NEB: variants seen among roughly 807,000 people sequenced by gnomAD.
NEB encodes the protein nebulin, also known as nemaline myopathy type 2.
Under a neutral mutation model 952.2 loss-of-function variants are expected in NEB, and 512 were observed. That is an observed-to-expected ratio of 0.54 (90% CI 0.50 to 0.58). The LOEUF is 0.58. Ranked by LOEUF, NEB falls within the 20% of genes least tolerant of loss-of-function variation. NEB has a pLI of 0.00. For missense variants in NEB, 8,428 were observed against 9,231.1 expected (o/e 0.91, Z 3.56); for synonymous variants, 2,900 against 3,149.8 (o/e 0.92, Z 2.66).
At chr2:151,684,708 A>G (rs1258608609) in intron 28 of NEB, 70 bp downstream of exon 28, 1 of 1,380,182 alleles carries the variant, frequency 7.2e-7, no homozygotes, top group East Asian at 2.5e-5. Flanking sequence ...CAAAAACCTC[A>G]CTCAACTTCA....
rs960768592 is a variant in NEB, at chr2:151,555,321, C to T, written c.19315-277G>A. Among the ~76,000 whole-genome samples the T allele has an allele frequency of 6.6e-5, 10 of 152,116 alleles. No homozygotes were observed. In the South Asian group the frequency reaches 2.1e-3, roughly 32 times the overall value. On this transcript the variant is annotated intron_variant, in intron 124 of 181. Coordinates refer to ENST00000397345, the MANE Select transcript of NEB (RefSeq NM_001164508.2). ...GTTGCTGTTTTCAAAATTCCTATAGCAATACTAGTACTTTTACTGCTACTA... is the reference window on the plus strand; with the variant it reads ...GTTGCTGTTTTCAAAATTCCTATAGTAATACTAGTACTTTTACTGCTACTA...
intron 48 of NEB, among the ~76,000 whole-genome samples, chr2:151,657,101 G>A (rs1412115985): frequency 6.6e-6 from 1 of 152,092 alleles, no homozygotes; most frequent in African/African-American, 2.4e-5. Context: ...TTCTTTTTCT[G>A]CCTGTCTCCT....
rs1415849520 is a variant in NEB at position 151,502,736 on chromosome 2, GTTA to G, written c.23928+54_23928+56del. The G allele has an allele frequency of 8.6e-6, 8 of 924,882 alleles. 1 individual carries two copies. The highest frequency in any genetic ancestry group is 5.2e-5 in the East Asian group (2 of 38,114). The allele number at this position is 924,882 out of a possible 1,614,324, so 57.3% of individuals were successfully genotyped here. A position where few individuals can be genotyped will look rare whatever the true frequency, so the allele number is the denominator to read the frequency against. ...TTTAGTAATTTTACATTTGTAAGGTGTTATTATTTTAAATAAAATTAAGGGATT... is the reference window on the plus strand; with the variant it reads ...TTTAGTAATTTTACATTTGTAAGGTGTTATTTTAAATAAAATTAAGGGATT... On this transcript the variant is annotated intron_variant, in intron 167 of 181. Transcript: ENST00000397345.
rs753691207 is a variant in NEB at position 151,680,785 on chromosome 2, A to G, written c.2987T>C (p.Ile996Thr). ...QHPDTLKFTS[I>T]EDAPITVQSK... is the part of the protein sequence containing the mutation. Reference sequence around the variant, plus strand: ...CTGTACTGTAATTGGAGCATCTTCAATCGAGGTAAACTTGAGGGTGTCTGG... The same window carrying G: ...CTGTACTGTAATTGGAGCATCTTCAGTCGAGGTAAACTTGAGGGTGTCTGG... Residue 996 changes from isoleucine to threonine, a missense_variant, in exon 30 of 182, where the codon ATT becomes ACT. Physicochemically the swap from Ile to Thr is moderately conservative, Grantham distance 89. Transcript: ENST00000397345. 1.2e-5 allele frequency: 19 copies of G among 1,613,504 alleles called. No homozygotes were observed. The highest frequency in any genetic ancestry group is 2.2e-5 in the South Asian group (2 of 91,084).
chr2:151,696,619 GTAGT>G lies in NEB; in HGVS notation c.1569+14_1569+17del, dbSNP rs1396349423. The G allele has an allele frequency of 6.3e-7, 1 of 1,578,392 alleles. No individual in the cohort carries two copies. Among genetic ancestry groups the G allele is most frequent in the South Asian group, 1.1e-5 (1 of 90,230 alleles). The stretch of plus-strand genomic sequence containing the variant: ...TATCCCTCATAATTGGGTGTCCTGA[GTAGT>G]TAGAGGAACTTACGTCACTCAGTTG... On this transcript the variant is annotated intron_variant, in intron 17 of 181. Coordinates refer to ENST00000397345, the MANE Select transcript of NEB (RefSeq NM_001164508.2).
At chr2:151,616,714 A>G (rs374230433) in intron 75 of NEB, among the ~76,000 whole-genome samples, 1 of 152,196 alleles carries the variant, frequency 6.6e-6, no homozygotes, top group Non-Finnish European at 1.5e-5. Flanking sequence ...AAACAAAACA[A>G]AACAGTATTT....
intron 145 of NEB, 186 bp downstream of exon 145, chr2:151,530,808 G>C (rs2090291750): frequency 1.9e-6 from 1 of 515,830 alleles, no homozygotes; most frequent in African/African-American, 1.9e-5. Context: ...GCAACATGGG[G>C]AGCAGGACTG....
intron 81 of NEB, 67 bp downstream of exon 81, chr2:151,609,742 C>A: frequency 2.7e-6 from 4 of 1,461,910 alleles, no homozygotes; most frequent in Non-Finnish European, 3.7e-6. Flanking sequence ...TCCTCAGAGG[C>A]ACTGACTGGG....
intron 153 of NEB, among the ~76,000 whole-genome samples, chr2:151,522,194 T>C (rs1057389445): frequency 6.6e-6 from 1 of 152,192 alleles, no homozygotes; most frequent in Non-Finnish European, 1.5e-5. Context: ...AAGTTTAAGA[T>C]CTAATTTTTT....
intron 64 of NEB, among the ~76,000 whole-genome samples, chr2:151,634,436 G>A (rs1384330186): frequency 6.6e-6 from 1 of 152,128 alleles, no homozygotes; most frequent in African/African-American, 2.4e-5. Context: ...GAGGTCAGGA[G>A]ATCAAGACCA....
In NEB at chr2:151,671,192, C is replaced by T. The variant is rs541803470; in HGVS notation, c.4337G>A (p.Gly1446Asp). Residue 1446 changes from glycine (G) to aspartate (D), a missense_variant, in exon 38 of 182, where the codon GGC becomes GAC. By Grantham distance (94) the Gly-to-Asp change is moderately conservative. Coordinates refer to ENST00000397345, the MANE Select transcript of NEB (RefSeq NM_001164508.2). ...GGAACCAATAGGGATCCATCCGATG[C>T]CCTTCAAGAAGCTGTTATACTCGTC... ...YKDEYNSFLK[G>D]IGWIPIGSLE... The T allele has an allele frequency of 5.0e-6, 8 of 1,613,900 alleles. No individual in the cohort carries two copies. The South Asian group carries it at 6.6e-5, about 13-fold the overall frequency.
chr2:151,662,297 T>G lies in NEB; in HGVS notation c.5808A>C (p.Gly1936=). 6.2e-7 allele frequency: 1 copy of G among 1,613,648 alleles called. No homozygotes were observed. The highest frequency in any genetic ancestry group is 1.1e-5 in the South Asian group (1 of 91,050). The part of the protein sequence containing the change: ...ADYADFMKGI[G]WLPLGSLEAE... ...CTTCCAGGGAGCCCAGAGGGAGCCATCCAATGCCCTTCATGAAGTCAGCAT... is the reference window on the plus strand; with the variant it reads ...CTTCCAGGGAGCCCAGAGGGAGCCAGCCAATGCCCTTCATGAAGTCAGCAT... Residue 1936 remains glycine (G), a synonymous_variant, in exon 46 of 182, where the codon GGA becomes GGC. Transcript: ENST00000397345.
chr2:151,493,862 T>TAAC lies in NEB; in HGVS notation c.24582_24584dup (p.Leu8195dup), dbSNP rs759535570. On this transcript the variant is annotated inframe_insertion, in exon 175 of 182. Transcript: ENST00000397345. The stretch of plus-strand genomic sequence containing the variant: ...TTGCTTTCCCCAGGTTCTCTTTGTA[T>TAAC]AACACCTGTGAGATACAAAGTCATG... 6.4e-7 allele frequency: 1 copy of TAAC among 1,554,822 alleles called. No individual in the cohort carries two copies. The highest frequency in any genetic ancestry group is 1.4e-5 in the African/African-American group (1 of 73,244).
Position 151,565,135 on chromosome 2 carries a change from T to C in NEB, c.18380A>G (p.Glu6127Gly). ...TTTGCCCTTTGCTTTATTAAATGTT[T>C]CTTTATATTTTACCTAAGGAGAGAA... ...SVNQSDVKYK[E>G]TFNKAKGKYT... The change falls in exon 117 of 182, where the codon GAA (glutamate) becomes GGA (glycine). Residue 6127 changes from glutamate to glycine, a missense_variant. Physicochemically the swap from Glu to Gly is moderately conservative, Grantham distance 98. Transcript: ENST00000397345. 6.4e-7 allele frequency: 1 copy of C among 1,556,554 alleles called. No homozygotes were observed. The highest frequency in any genetic ancestry group is 8.8e-7 in the Non-Finnish European group (1 of 1,137,406).
intron 5 of NEB, 63 bp downstream of exon 5, chr2:151,727,628 T>C (rs2099795221): frequency 6.8e-7 from 1 of 1,472,140 alleles, no homozygotes. Context: ...CAAAACAGAG[T>C]GAGTTGAGAT....
At chr2:151,578,670 GGAAGGAGGGAAGGAAGGAAGGAAGGAGA>G (rs1270022243) in intron 105 of NEB, among the ~76,000 whole-genome samples, 7 of 149,886 alleles carry the variant, frequency 4.7e-5, no homozygotes, top group South Asian at 2.1e-4. Flanking sequence ...AGACAAGGAG[GGAAGGAGGGAAGGAAGGAAGGAAGGAGA>G]GAAGGAGGGA....
chr2:151,501,088 G>A (rs79552023), intron 168 of NEB, among the ~76,000 whole-genome samples: 2,252 of 152,172 alleles, frequency 0.015, 79 homozygotes, highest in East Asian at 0.14. Flanking sequence ...AGAGTTCCAA[G>A]TAAATAAGAG....
At chr2:151,492,035 T>G in intron 178 of NEB, 63 bp downstream of exon 178, 1 of 1,514,718 alleles carries the variant, frequency 6.6e-7, no homozygotes, top group African/African-American at 1.4e-5. Flanking sequence ...TAGGTAATGC[T>G]ACTTTTGTTC....
intron 18 of NEB, among the ~76,000 whole-genome samples, 188 bp downstream of exon 18, chr2:151,695,390 T>C (rs904496147): frequency 3.3e-5 from 5 of 152,220 alleles, no homozygotes; most frequent in African/African-American, 1.2e-4. Flanking sequence ...AAATTACTTA[T>C]AAGATTGCTA....
Sources: gnomAD v4.1 joint callset for allele counts (sites outside exome capture counted in the v4.1 genomes callset) on GRCh38, gnomAD v4.1.1 for gene constraint, MANE v1.5 for transcripts, NCBI Gene and HGNC (gene_info 2026-07-23, HGNC 2026-07-21) for gene names.